CSTPP1: variants seen among roughly 807,000 people sequenced by gnomAD.
CSTPP1 encodes the protein centriolar satellite-associated tubulin polyglutamylase complex regulator 1, also known as UPF0705 protein C11orf49.
At chr11:47,019,112 A>G in the CSTPP1 span, among the ~76,000 whole-genome samples, 3 of 151,962 alleles carry the variant, frequency 2.0e-5, no homozygotes, top group African/African-American at 7.3e-5. Context: ...GGTTCAAGCA[A>G]TTCTTGTTCC....
At chr11:46,980,779 C>T in the CSTPP1 span, among the ~76,000 whole-genome samples, 5 of 151,938 alleles carry the variant, frequency 3.3e-5, no homozygotes, top group Non-Finnish European at 5.9e-5. Context: ...AAAAGACAAC[C>T]AGAGAAGAAA....
the CSTPP1 span, among the ~76,000 whole-genome samples, chr11:47,003,412 C>T: frequency 6.6e-6 from 1 of 152,156 alleles, no homozygotes; most frequent in East Asian, 1.9e-4. Flanking sequence ...CACAAAGGTT[C>T]TTCTTCCCTG....
At chr11:47,076,770 G>A in the CSTPP1 span, among the ~76,000 whole-genome samples, 1 of 152,008 alleles carries the variant, frequency 6.6e-6, no homozygotes, top group East Asian at 1.9e-4. Flanking sequence ...GTAGGCAGAT[G>A]TTGCAGTGAG....
At chr11:46,960,862 A>G in the CSTPP1 span, among the ~76,000 whole-genome samples, 3,495 of 118,518 alleles carry the variant, frequency 0.029, 152 homozygotes, top group African/African-American at 0.24. Flanking sequence ...CAAAAAAAAG[A>G]AAAAAAAAAA....
chr11:47,031,429 C>T, the CSTPP1 span, among the ~76,000 whole-genome samples: 1 of 152,154 alleles, frequency 6.6e-6, no homozygotes, highest in Non-Finnish European at 1.5e-5. Context: ...TGGTGGCTCA[C>T]GTCTGTAATC....
the CSTPP1 span, among the ~76,000 whole-genome samples, chr11:47,102,640 T>A: frequency 0.98 from 150,021 of 152,320 alleles, 73,921 homozygotes; most frequent in Middle Eastern, 1. Context: ...ACTGAGAAAC[T>A]TTTCTCAAGT....
chr11:47,156,915 G>C, the CSTPP1 span: 1 of 1,144,480 alleles, frequency 8.7e-7, no homozygotes, highest in African/African-American at 1.5e-5. Context: ...GAGCACTGAG[G>C]CTGGTGTGGA....
At chr11:47,039,126 C>T in the CSTPP1 span, among the ~76,000 whole-genome samples, 1 of 127,128 alleles carries the variant, frequency 7.9e-6, no homozygotes, top group Admixed American at 8.3e-5. Context: ...GCTGCAATCT[C>T]GGCACTTTGG....
the CSTPP1 span, among the ~76,000 whole-genome samples, chr11:46,939,931 C>T: frequency 6.6e-6 from 1 of 152,092 alleles, no homozygotes; most frequent in Non-Finnish European, 1.5e-5. Context: ...AGTGCAGTGG[C>T]ACCATCTCGG....
At chr11:47,075,228 C>T in the CSTPP1 span, among the ~76,000 whole-genome samples, 1 of 151,990 alleles carries the variant, frequency 6.6e-6, no homozygotes, top group Non-Finnish European at 1.5e-5. Context: ...AAAAATTAGC[C>T]AGGTGTGATG....
the CSTPP1 span, among the ~76,000 whole-genome samples, chr11:46,970,914 A>C: frequency 1.3e-5 from 2 of 152,226 alleles, no homozygotes; most frequent in Non-Finnish European, 2.9e-5. Flanking sequence ...TATTTCTATG[A>C]TAGATACTAC....
chr11:47,145,691 G>A, the CSTPP1 span, among the ~76,000 whole-genome samples: 1 of 152,154 alleles, frequency 6.6e-6, no homozygotes, highest in African/African-American at 2.4e-5. Flanking sequence ...GAGTGCAGTG[G>A]TGCATTCATA....
chr11:47,141,909 G>GT, the CSTPP1 span, among the ~76,000 whole-genome samples: 2 of 133,006 alleles, frequency 1.5e-5, no homozygotes, highest in Admixed American at 8.2e-5. Flanking sequence ...CTCCAGCCTG[G>GT]GCAACAGAGC....
chr11:47,043,007 A>G, the CSTPP1 span, among the ~76,000 whole-genome samples: 1 of 152,214 alleles, frequency 6.6e-6, no homozygotes, highest in Non-Finnish European at 1.5e-5. Context: ...TATAAAATTA[A>G]TATAAATTCA....
At chr11:47,122,092 AT>A in the CSTPP1 span, among the ~76,000 whole-genome samples, 148 of 35,018 alleles carry the variant, frequency 4.2e-3, no homozygotes, top group African/African-American at 0.013. Flanking sequence ...AAAAAAAAAA[AT>A]ATATATATAT....
chr11:46,978,336 A>G, the CSTPP1 span, among the ~76,000 whole-genome samples: 1 of 152,226 alleles, frequency 6.6e-6, no homozygotes, highest in Non-Finnish European at 1.5e-5. Context: ...AATCAGGGAA[A>G]GGTTCACAAA....
the CSTPP1 span, among the ~76,000 whole-genome samples, chr11:46,981,225 T>C: frequency 6.6e-6 from 1 of 151,854 alleles, no homozygotes; most frequent in Non-Finnish European, 1.5e-5. Context: ...GTAGGTTCCA[T>C]ATTGTTTTAT....
At chr11:46,944,938 G>T in the CSTPP1 span, among the ~76,000 whole-genome samples, 2 of 152,200 alleles carry the variant, frequency 1.3e-5, no homozygotes, top group African/African-American at 4.8e-5. Context: ...CAGCCATGAG[G>T]TTAATACAAC....
the CSTPP1 span, among the ~76,000 whole-genome samples, chr11:46,939,330 C>T: frequency 6.6e-6 from 1 of 151,926 alleles, no homozygotes; most frequent in Admixed American, 6.6e-5. Flanking sequence ...CTCAGGTGAT[C>T]CACCCACCTC....
Sources: gnomAD v4.1 joint callset for allele counts (sites outside exome capture counted in the v4.1 genomes callset) on GRCh38, gnomAD v4.1.1 for gene constraint, MANE v1.5 for transcripts, NCBI Gene and HGNC (gene_info 2026-07-23, HGNC 2026-07-21) for gene names.